The following MITF variants were observed in gnomAD, a reference collection of about 807,000 sequenced individuals.
MITF encodes the protein microphthalmia-associated transcription factor.
A neutral mutation model predicts 60.5 loss-of-function variants in MITF; 17 were observed. The observed-to-expected ratio is 0.28, with a 90% confidence interval of 0.19 to 0.42. The LOEUF (loss-of-function observed/expected upper bound fraction) is 0.42, where lower values mean the gene tolerates loss of function less well. Ranked by LOEUF, MITF falls within the 10% of genes least tolerant of loss-of-function variation. The probability of loss-of-function intolerance (pLI) is 1.00; values close to 1 mark genes in which losing one functional copy is unlikely to be tolerated. For synonymous variants in MITF, 260 were observed against 248.5 expected, an observed-to-expected ratio of 1.05 and a Z score of -0.43; for missense variants, 622 against 683.5, an observed-to-expected ratio of 0.91 and a Z score of 1.00.
chr3:69,938,808 A>G, intron 3 of MITF: 2 of 1,387,252 alleles, frequency 1.4e-6, no homozygotes, highest in Non-Finnish European at 1.9e-6. Context: ...GTGTTTATGC[A>G]AATTCGGAGG....
At chr3:69,855,787 A>G (rs1449061512) in intron 1 of MITF, among the ~76,000 whole-genome samples, 6 of 152,186 alleles carry the variant, frequency 3.9e-5, no homozygotes, top group African/African-American at 1.4e-4. Flanking sequence ...CCTTCACAGC[A>G]TTAGAGGAGA....
intron 1 of MITF, among the ~76,000 whole-genome samples, chr3:69,845,107 A>G (rs2107154241): frequency 6.6e-6 from 1 of 152,182 alleles, no homozygotes; most frequent in Non-Finnish European, 1.5e-5. Context: ...TCCTGAACTC[A>G]TTTTATTTTT....
chr3:69,913,294 A>AT (rs1021043045), intron 2 of MITF, among the ~76,000 whole-genome samples: 3 of 151,956 alleles, frequency 2.0e-5, no homozygotes, highest in African/African-American at 7.3e-5. Context: ...TTCTTTTGGG[A>AT]TTTTTTGATG....
chr3:69,815,959 A>G (rs1221783777), intron 1 of MITF, among the ~76,000 whole-genome samples: 1 of 152,062 alleles, frequency 6.6e-6, no homozygotes, highest in Non-Finnish European at 1.5e-5. Flanking sequence ...CCCTATACCC[A>G]AGTGTGGTCT....
At position 69,739,492 on chromosome 3, in the gene MITF, A is replaced by C. The variant is rs530113723; in HGVS notation, c.-106A>C. ...AGCCGGCGAGCGGGCAGAGCTCGGC[A>C]CTGCGCCGGGGCGCACGGCTCGGGG... On this transcript the variant is annotated 5_prime_UTR_variant, in exon 1 of 10. Coordinates refer to ENST00000352241, the MANE Select transcript of MITF (RefSeq NM_001354604.2). 5.7e-4 allele frequency: 602 copies of C among 1,063,882 alleles called. 2 individuals are homozygous for C. The highest frequency in any genetic ancestry group is 4.4e-3 in the African/African-American group (275 of 63,204). The allele number at this position is 1,063,882 out of a possible 1,614,324, so 65.9% of individuals were successfully genotyped here.
At chr3:69,922,269 T>C (rs555972726) in intron 2 of MITF, among the ~76,000 whole-genome samples, 2 of 152,188 alleles carry the variant, frequency 1.3e-5, no homozygotes, top group African/African-American at 4.8e-5. Context: ...GTCGCCAGGC[T>C]GGAGTGCGGT....
Position 69,965,017 on chromosome 3 carries a change from C to T in MITF, c.1350C>T (p.Leu450=), listed in dbSNP as rs555549121. 2.0e-5 allele frequency: 33 copies of T among 1,614,128 alleles called. No individual in the cohort carries two copies. The South Asian group carries it at 3.5e-4, about 17-fold the overall frequency. The change falls in exon 10 of 10, where the codon CTC becomes CTT. Residue 450 remains leucine (L), a synonymous_variant. Coordinates refer to ENST00000352241, the MANE Select transcript of MITF (RefSeq NM_001354604.2). ...ADLTCTTTLD[L]TDGTITFNNN... ...TAACCTGTACAACAACTCTCGATCT[C>T]ACGGATGGCACCATCACCTTCAACA...
At position 69,765,479 on chromosome 3, in the gene MITF, AT is replaced by A. The variant is rs201327342; in HGVS notation, c.104+25787del. On this transcript the variant is annotated intron_variant, in intron 1 of 9. Transcript: ENST00000352241. ...TTGGATCATTTACTTTCTGTGAAAA[AT>A]TTTTTTTTGACAAAATTGTTTAAGA... Among the ~76,000 whole-genome samples, 783 of 151,798 alleles carry A rather than the reference AT, an allele frequency of 5.2e-3. 3 individuals carry two copies. The highest frequency in any genetic ancestry group is 6.8e-3 in the Middle Eastern group (2 of 294).
chr3:69,845,703 G>GAC (rs2063720626), intron 1 of MITF, among the ~76,000 whole-genome samples: 1 of 152,090 alleles, frequency 6.6e-6, no homozygotes, highest in African/African-American at 2.4e-5. Context: ...TTGCCTCCAT[G>GAC]ACACTGAGGC....
At chr3:69,825,146 A>G (rs55735918) in intron 1 of MITF, among the ~76,000 whole-genome samples, 23,494 of 152,232 alleles carry the variant, frequency 0.15, 2,111 homozygotes, top group Non-Finnish European at 0.21. Context: ...ATGACAAACC[A>G]TCTCTCCTAA....
At chr3:69,925,481 T>C (rs1314863210) in intron 2 of MITF, among the ~76,000 whole-genome samples, 2 of 152,226 alleles carry the variant, frequency 1.3e-5, no homozygotes, top group Non-Finnish European at 2.9e-5. Flanking sequence ...AGTCTCTTAA[T>C]GTTTATGCTG....
intron 1 of MITF, among the ~76,000 whole-genome samples, chr3:69,750,030 T>C (rs1403710501): frequency 6.6e-6 from 1 of 152,218 alleles, no homozygotes; most frequent in Non-Finnish European, 1.5e-5. Context: ...TCAAAATCAC[T>C]AAAGTGCATG....
chr3:69,920,522 T>G (rs970964558), intron 2 of MITF, among the ~76,000 whole-genome samples: 5 of 152,156 alleles, frequency 3.3e-5, no homozygotes, highest in Non-Finnish European at 7.3e-5. Context: ...TTAGTGAAAG[T>G]AATAATAGTC....
intron 1 of MITF, among the ~76,000 whole-genome samples, chr3:69,771,176 G>A (rs2062387995): frequency 6.6e-6 from 1 of 151,780 alleles, no homozygotes; most frequent in South Asian, 2.1e-4. Flanking sequence ...CAGCCAGAGA[G>A]ACTTGGGCAA....
At chr3:69,929,426 G>T (rs1467373694) in intron 2 of MITF, among the ~76,000 whole-genome samples, 2 of 152,114 alleles carry the variant, frequency 1.3e-5, no homozygotes, top group Non-Finnish European at 2.9e-5. Flanking sequence ...GTGGACAGGG[G>T]TCTGTAGAAT....
At chr3:69,825,322 A>G (rs2063337296) in intron 1 of MITF, among the ~76,000 whole-genome samples, 1 of 152,214 alleles carries the variant, frequency 6.6e-6, no homozygotes, top group Non-Finnish European at 1.5e-5. Flanking sequence ...CTGGTTGAAT[A>G]AACCAATTTT....
At chr3:69,939,509 A>G (rs1576009101) in intron 4 of MITF, among the ~76,000 whole-genome samples, 1 of 152,108 alleles carries the variant, frequency 6.6e-6, no homozygotes, top group Non-Finnish European at 1.5e-5. Context: ...CAATTTTTGT[A>G]TTAGTAAAAC....
intron 2 of MITF, among the ~76,000 whole-genome samples, chr3:69,901,002 C>T (rs914098171): frequency 1.3e-5 from 2 of 151,538 alleles, no homozygotes; most frequent in African/African-American, 4.9e-5. Context: ...AATTAAAAAA[C>T]AAAACAAAAC....
Position 69,918,721 on chromosome 3 carries a change from C to CA in MITF, c.355-19099dup, listed in dbSNP as rs763579456. ...TAGCACTTACATTCATTGTGAGCAT[C>CA]AAGAAATATTAATGTATGAAAAGGC... On this transcript the variant is annotated intron_variant, in intron 2 of 9. Transcript: ENST00000352241. Among the ~76,000 whole-genome samples the CA allele has an allele frequency of 1.0e-3, 155 of 152,260 alleles. 1 individual carries two copies. Among genetic ancestry groups the CA allele is most frequent in the Non-Finnish European group, 1.4e-3 (95 of 68,020 alleles).
Sources: allele counts gnomAD v4.1 joint callset (sites outside exome capture counted in the v4.1 genomes callset), GRCh38; gene constraint gnomAD v4.1.1; transcripts MANE v1.5; gene names NCBI Gene and HGNC (gene_info 2026-07-23, HGNC 2026-07-21).